The following CNTN4 variants were observed in gnomAD, a reference collection of about 807,000 sequenced individuals.
CNTN4 encodes the protein contactin-4.
CNTN4 carries 77 observed loss-of-function variants against 122.5 expected under a neutral mutation model. The ratio of observed to expected loss-of-function variants is 0.63; its 90% CI spans 0.52 to 0.76. The LOEUF (loss-of-function observed/expected upper bound fraction) is 0.76, where lower values mean the gene tolerates loss of function less well. Among genes scored for constraint, CNTN4 ranks in the 30% least tolerant of loss-of-function variants. CNTN4 has a pLI of 0.00. For synonymous variants in CNTN4, 512 were observed against 447.0 expected (o/e 1.15, Z -1.83); for missense variants, 1,256 against 1,259.1 (o/e 1.00, Z 0.04).
intron 6 of CNTN4, among the ~76,000 whole-genome samples, chr3:2,814,918 A>C (rs2092693208): frequency 6.6e-6 from 1 of 152,238 alleles, no homozygotes; most frequent in Non-Finnish European, 1.5e-5. Flanking sequence ...TATAGTCTGC[A>C]AGTCAATTCT....
chr3:2,363,962 T>C (rs1403794236), intron 3 of CNTN4, among the ~76,000 whole-genome samples: 1 of 152,194 alleles, frequency 6.6e-6, no homozygotes, highest in Non-Finnish European at 1.5e-5. Context: ...AGTTATATGA[T>C]CTCTTCTTAA....
At chr3:2,552,343 C>G (rs2078543899) in intron 3 of CNTN4, among the ~76,000 whole-genome samples, 2 of 152,126 alleles carry the variant, frequency 1.3e-5, no homozygotes, top group Non-Finnish European at 2.9e-5. Context: ...CTTCTTTTGA[C>G]TTTTAAAGAA....
At chr3:2,979,872 C>G (rs1388456561) in intron 13 of CNTN4, among the ~76,000 whole-genome samples, 1 of 152,136 alleles carries the variant, frequency 6.6e-6, no homozygotes, top group Non-Finnish European at 1.5e-5. Context: ...TACGCTGTCT[C>G]CCTCTACAGC....
At chr3:2,653,506 T>C (rs1213391582) in intron 4 of CNTN4, among the ~76,000 whole-genome samples, 1 of 152,176 alleles carries the variant, frequency 6.6e-6, no homozygotes, top group Non-Finnish European at 1.5e-5. Context: ...ATCACAAGGG[T>C]AGTAATTGAC....
intron 14 of CNTN4, among the ~76,000 whole-genome samples, chr3:3,014,540 CT>C (rs1697560207): frequency 6.6e-6 from 1 of 152,060 alleles, no homozygotes; most frequent in Non-Finnish European, 1.5e-5. Flanking sequence ...TGCCTTTTCA[CT>C]TTCTAAAAAT....
chr3:2,736,731 G>A (rs1318880962), intron 5 of CNTN4, among the ~76,000 whole-genome samples: 4 of 151,904 alleles, frequency 2.6e-5, no homozygotes, highest in Non-Finnish European at 5.9e-5. Context: ...CCAAAGTGCT[G>A]GGATTACAGG....
intron 14 of CNTN4, among the ~76,000 whole-genome samples, chr3:3,022,342 A>T (rs1698376813): frequency 6.6e-6 from 1 of 152,162 alleles, no homozygotes; most frequent in Non-Finnish European, 1.5e-5. Flanking sequence ...ATTTGAAGTT[A>T]TGGTGAGCTT....
At chr3:2,526,934 A>G (rs1358660271) in intron 3 of CNTN4, among the ~76,000 whole-genome samples, 1 of 152,156 alleles carries the variant, frequency 6.6e-6, no homozygotes, top group Admixed American at 6.6e-5. Flanking sequence ...CCAAATCTCT[A>G]GATCTGAATC....
intron 6 of CNTN4, among the ~76,000 whole-genome samples, chr3:2,804,802 A>G (rs907676717): frequency 6.6e-6 from 1 of 151,584 alleles, no homozygotes; most frequent in Non-Finnish European, 1.5e-5. Flanking sequence ...GGCTCAAGCA[A>G]TCTTCCTGCC....
chr3:2,571,665 TA>T, intron 4 of CNTN4, 107 bp downstream of exon 4: 1 of 801,432 alleles, frequency 1.2e-6, no homozygotes, highest in Admixed American at 1.8e-5. Flanking sequence ...CGCAAGAGTA[TA>T]TGCTGCTATG....
At chr3:2,538,042 A>G (rs916767025) in intron 3 of CNTN4, among the ~76,000 whole-genome samples, 1 of 151,982 alleles carries the variant, frequency 6.6e-6, no homozygotes, top group African/African-American at 2.4e-5. Context: ...GATATTGCAG[A>G]TGTAATTACT....
At chr3:2,213,036 C>T (rs1246232392) in intron 2 of CNTN4, among the ~76,000 whole-genome samples, 2 of 152,114 alleles carry the variant, frequency 1.3e-5, no homozygotes, top group Non-Finnish European at 2.9e-5. Flanking sequence ...TAAGTATCTT[C>T]TCAGAATGGG....
At chr3:2,839,971 T>C (rs2093317862) in intron 7 of CNTN4, among the ~76,000 whole-genome samples, 1 of 152,286 alleles carries the variant, frequency 6.6e-6, no homozygotes, top group East Asian at 1.9e-4. Context: ...TAGCTAAGTG[T>C]AGAGTCTCCT....
chr3:2,624,771 A>G (rs2082120195), intron 4 of CNTN4, among the ~76,000 whole-genome samples: 1 of 151,348 alleles, frequency 6.6e-6, no homozygotes, highest in Non-Finnish European at 1.5e-5. Context: ...AGCTGGGACT[A>G]TAGGCGCATA....
intron 2 of CNTN4, among the ~76,000 whole-genome samples, chr3:2,269,004 T>C (rs919616374): frequency 1.3e-5 from 2 of 152,166 alleles, no homozygotes; most frequent in Non-Finnish European, 2.9e-5. Context: ...AGTGCCACTA[T>C]GACAGATTAA....
intron 6 of CNTN4, among the ~76,000 whole-genome samples, chr3:2,765,756 T>C (rs1194252834): frequency 6.6e-6 from 1 of 152,162 alleles, no homozygotes; most frequent in Non-Finnish European, 1.5e-5. Context: ...AAGTGCCACC[T>C]GGAGAAACCT....
intron 7 of CNTN4, among the ~76,000 whole-genome samples, chr3:2,842,680 A>G (rs186242100): frequency 7.0e-4 from 107 of 152,306 alleles, no homozygotes; most frequent in Admixed American, 1.6e-3. Context: ...GATGTCCACA[A>G]TACTAAAGCT....
intron 3 of CNTN4, among the ~76,000 whole-genome samples, chr3:2,472,634 A>G (rs1319167952): frequency 5.9e-5 from 9 of 152,172 alleles, no homozygotes; most frequent in African/African-American, 4.8e-5. Flanking sequence ...AAAGTTGAAA[A>G]AGGAAAGAGG....
chr3:2,172,418 G>T (rs529077295), intron 2 of CNTN4, among the ~76,000 whole-genome samples: 13 of 152,160 alleles, frequency 8.5e-5, no homozygotes, highest in Middle Eastern at 3.4e-3. Context: ...TGAAATGGGG[G>T]TGAGGCATAA....
Sources: allele counts gnomAD v4.1 joint callset (sites outside exome capture counted in the v4.1 genomes callset), GRCh38; gene constraint gnomAD v4.1.1; transcripts MANE v1.5; gene names NCBI Gene and HGNC (gene_info 2026-07-23, HGNC 2026-07-21).